The following EDA variants were observed in gnomAD, a reference collection of about 807,000 sequenced individuals.
The protein encoded by EDA is ectodysplasin A.
In EDA, 2 loss-of-function variants were observed where a neutral mutation model predicts 23.6. The observed-to-expected ratio is 0.08, with a 90% confidence interval of 0.03 to 0.27. EDA has a LOEUF of 0.27. Ranked by LOEUF, EDA falls within the 10% of genes least tolerant of loss-of-function variation. EDA has a pLI of 1.00. For missense variants in EDA, 229 were observed against 324.2 expected, an observed-to-expected ratio of 0.71 and a Z score of 2.26; for synonymous variants, 131 against 132.0, an observed-to-expected ratio of 0.99 and a Z score of 0.05.
At position 70,033,460 on chromosome X, in the gene EDA, C is replaced by T. The variant is rs1445870782; in HGVS notation, c.856C>T (p.Leu286=). 1.7e-6 allele frequency: 2 copies of T among 1,211,941 alleles called. No homozygotes were observed. The highest frequency in any genetic ancestry group is 2.2e-6 in the Non-Finnish European group (2 of 895,437). Residue 286 remains leucine, a synonymous_variant, in exon 7 of 8, where the codon CTA becomes TTA. Transcript: ENST00000374552. ...RITMNPKVFK[L]HPRSGELEVL... is the part of the protein sequence containing the mutation. Reference sequence around the variant, plus strand: ...CACTATGAACCCCAAGGTGTTTAAGCTACATCCCCGCAGCGGGGAGCTGGA... The same window carrying T: ...CACTATGAACCCCAAGGTGTTTAAGTTACATCCCCGCAGCGGGGAGCTGGA...
At chrX:69,940,594 T>TGA (rs2018744138) in intron 1 of EDA, among the ~76,000 whole-genome samples, 1 of 111,055 alleles carries the variant, frequency 9.0e-6, no homozygotes, top group Non-Finnish European at 1.9e-5. Flanking sequence ...TCATTATTAT[T>TGA]TCTTTTCTTC....
At chrX:69,944,038 T>C (rs1240070281) in intron 1 of EDA, among the ~76,000 whole-genome samples, 1 of 109,371 alleles carries the variant, frequency 9.1e-6, no homozygotes, top group Non-Finnish European at 1.9e-5. Context: ...TTGTGGTGAA[T>C]GCTGCCAGGC....
chrX:69,738,217 A>G (rs769525539), intron 1 of EDA, among the ~76,000 whole-genome samples: 9 of 109,437 alleles, frequency 8.2e-5, no homozygotes, highest in African/African-American at 1.7e-4. Context: ...TTTTCTCTCT[A>G]TGCTTCATTT....
chrX:69,742,094 T>C (rs749555726), intron 1 of EDA, among the ~76,000 whole-genome samples: 1 of 112,086 alleles, frequency 8.9e-6, no homozygotes, highest in East Asian at 2.8e-4. Context: ...AGCTTTTCTC[T>C]CCTGGTGTAG....
intron 1 of EDA, among the ~76,000 whole-genome samples, chrX:69,701,669 C>T (rs972670025): frequency 9.0e-6 from 1 of 111,561 alleles, no homozygotes; most frequent in Non-Finnish European, 1.9e-5. Flanking sequence ...TCTGGGCTGG[C>T]TGGGTCTAGG....
chrX:69,996,080 T>A (rs913540659), intron 2 of EDA, among the ~76,000 whole-genome samples: 2 of 112,350 alleles, frequency 1.8e-5, no homozygotes, highest in African/African-American at 6.5e-5. Context: ...GTGGGAATAT[T>A]GCTAGAGAAG....
At chrX:69,761,538 T>A (rs2014308212) in intron 1 of EDA, among the ~76,000 whole-genome samples, 2 of 112,041 alleles carry the variant, frequency 1.8e-5, no homozygotes. Flanking sequence ...TTTCCCCCAC[T>A]GTATTACACT....
chrX:69,917,276 A>T, intron 1 of EDA, among the ~76,000 whole-genome samples: 1 of 111,660 alleles, frequency 9.0e-6, no homozygotes, highest in Non-Finnish European at 1.9e-5. Flanking sequence ...ATATGACCTT[A>T]AAAAAACTTG....
At chrX:69,863,645 A>C (rs936469142) in intron 1 of EDA, among the ~76,000 whole-genome samples, 1 of 58,864 alleles carries the variant, frequency 1.7e-5, no homozygotes. Context: ...GTGTGTATAT[A>C]TGTATTTACA....
At chrX:69,617,938 A>AT (rs1183981493) in intron 1 of EDA, among the ~76,000 whole-genome samples, 4 of 109,550 alleles carry the variant, frequency 3.7e-5, no homozygotes, top group Non-Finnish European at 7.6e-5. Context: ...AAAAAAAAAA[A>AT]GATGTGCATT....
chrX:70,019,335 A>G (rs1402953958), intron 2 of EDA, among the ~76,000 whole-genome samples: 1 of 112,054 alleles, frequency 8.9e-6, no homozygotes, highest in Non-Finnish European at 1.9e-5. Context: ...CAGCAATCTC[A>G]TTATTGGGTA....
At chrX:69,743,235 G>A (rs968508974) in intron 1 of EDA, among the ~76,000 whole-genome samples, 1 of 111,503 alleles carries the variant, frequency 9.0e-6, no homozygotes, top group Admixed American at 9.6e-5. Flanking sequence ...CACCACTGCC[G>A]CCGTTGCTAC....
rs1269776381 is a variant in EDA, at chrX:69,932,541, GA to G, written c.397-24485del. 2.7e-5 allele frequency among the ~76,000 whole-genome samples: 3 copies of G among 111,744 alleles called. No individual in the cohort carries two copies. The East Asian group carries it at 8.4e-4, about 31-fold the overall frequency. On this transcript the variant is annotated intron_variant, in intron 1 of 7. Transcript: ENST00000374552. ...GGCTTCTTGCCAGAACGCTTTTTCA[GA>G]TAAAGGTTCTGAGAGACTGATTTAA... is the stretch of plus-strand genomic sequence containing the variant.
intron 1 of EDA, among the ~76,000 whole-genome samples, chrX:69,788,948 C>T (rs189742021): frequency 0.023 from 2,623 of 112,177 alleles, 61 homozygotes; most frequent in African/African-American, 0.081. Context: ...AGCGAGACTC[C>T]GTGGGCGTAG....
intron 1 of EDA, among the ~76,000 whole-genome samples, chrX:69,880,566 T>G (rs1244948328): frequency 8.9e-6 from 1 of 111,931 alleles, no homozygotes; most frequent in Non-Finnish European, 1.9e-5. Context: ...GCCTTACAAC[T>G]GCCAGAAGAA....
chrX:69,714,435 T>C (rs1456435538), intron 1 of EDA, among the ~76,000 whole-genome samples: 2 of 111,898 alleles, frequency 1.8e-5, no homozygotes, highest in African/African-American at 6.5e-5. Context: ...TTTTTTCTTT[T>C]ATAGATCATA....
intron 1 of EDA, among the ~76,000 whole-genome samples, chrX:69,793,564 G>GTTTTTTTTTT (rs1362047098): frequency 3.6e-4 from 12 of 32,891 alleles, no homozygotes; most frequent in African/African-American, 1.9e-3. Context: ...TTGTTTGTTT[G>GTTTTTTTTTT]TTTTTGTTTT....
intron 1 of EDA, among the ~76,000 whole-genome samples, chrX:69,911,374 G>T (rs1041233709): frequency 1.8e-5 from 2 of 109,089 alleles, no homozygotes; most frequent in Non-Finnish European, 3.8e-5. Context: ...CTTTAAACCA[G>T]TGGGAATGCA....
chrX:69,645,634 A>G (rs755941901), intron 1 of EDA, among the ~76,000 whole-genome samples: 2 of 83,806 alleles, frequency 2.4e-5, no homozygotes, highest in Admixed American at 1.6e-4. Context: ...ATATATATAT[A>G]TGTATAAAAT....
Sources: gnomAD v4.1 joint callset for allele counts (sites outside exome capture counted in the v4.1 genomes callset) on GRCh38, gnomAD v4.1.1 for gene constraint, MANE v1.5 for transcripts, NCBI Gene and HGNC (gene_info 2026-07-23, HGNC 2026-07-21) for gene names.